FAM83A: variants seen among roughly 807,000 people sequenced by gnomAD.
The protein encoded by FAM83A is scaffolding CK1 anchoring protein A, also known as protein FAM83A.
Under a neutral mutation model 24.4 loss-of-function variants are expected in FAM83A, and 21 were observed. The observed-to-expected ratio is 0.86, with a 90% CI of 0.61 to 1.24. The LOEUF is 1.24. Ranked by LOEUF, FAM83A falls within the 50% of genes most tolerant of loss-of-function variation. The probability of loss-of-function intolerance (pLI) is 0.00; values close to 1 mark genes in which losing one functional copy is unlikely to be tolerated. For synonymous variants in FAM83A, 270 were observed against 252.4 expected (o/e 1.07, Z -0.66); for missense variants, 617 against 579.8 (o/e 1.06, Z -0.66).
intron 3 of FAM83A, chr8:123,202,133 A>T (rs907136849): frequency 1.3e-5 from 2 of 152,510 alleles, no homozygotes; most frequent in East Asian, 3.9e-4. Context: ...AAACCAGATC[A>T]AACCACTTTA....
At chr8:123,190,528 G>T (rs536515552) in intron 1 of FAM83A, among the ~76,000 whole-genome samples, 1 of 152,094 alleles carries the variant, frequency 6.6e-6, no homozygotes, top group South Asian at 2.1e-4. Flanking sequence ...GCCTCCCAAA[G>T]TGTTGGTATT....
At chr8:123,182,688 A>T in exon 1 of FAM83A, 1 of 985,710 alleles carries the variant, frequency 1.0e-6, no homozygotes, top group Non-Finnish European at 1.6e-6. Context: ...AGCATTGCTC[A>T]GGACAGCGGT....
chr8:123,202,462 A>G (rs1033182831), intron 3 of FAM83A: 1 of 153,084 alleles, frequency 6.5e-6, no homozygotes, highest in African/African-American at 2.4e-5. Flanking sequence ...CTTCACTCCC[A>G]TCATGATTTG....
chr8:123,185,067 G>A lies in FAM83A; in HGVS notation c.480+1731G>A, dbSNP rs147959386. Among the ~76,000 whole-genome samples, 1,344 of 152,320 alleles carry A rather than the reference G, an allele frequency of 8.8e-3. 7 individuals carry two copies. Among genetic ancestry groups the A allele is most frequent in the Middle Eastern group, 0.037 (11 of 294 alleles). On this transcript the variant is annotated intron_variant, in intron 1 of 3. Transcript: ENST00000690554. ...GGGCATTGGCTTTTAGTGTGGCTGG[G>A]CTGCTTGGAGCAGTATTTCATGTTT...
In FAM83A at chr8:123,203,221, TA is replaced by T. The variant is rs34707090; in HGVS notation, c.774-3924del. Among the ~76,000 whole-genome samples the T allele has an allele frequency of 4.1e-3, 596 of 143,946 alleles. 7 individuals are homozygous for T. In the East Asian group the frequency reaches 0.047, roughly 11 times the overall value. The allele number at this position is 143,946 out of a possible 152,430, so 94.4% of individuals were successfully genotyped here. A position where few individuals can be genotyped will look rare whatever the true frequency, so the allele number is the denominator to read the frequency against. On this transcript the variant is annotated intron_variant, in intron 3 of 3. Coordinates refer to ENST00000690554, the Ensembl canonical transcript of FAM83A. ...CTTTAAAAGGAAAACATACACACAT[TA>T]AAAAAAAAAAAGCAGTGACCATAAA...
At chr8:123,202,625 G>C (rs1217483745) in intron 3 of FAM83A, 1 of 152,610 alleles carries the variant, frequency 6.6e-6, no homozygotes, top group African/African-American at 2.4e-5. Flanking sequence ...AATATTTGTT[G>C]AATGAATGAA....
At chr8:123,191,665 C>T in intron 1 of FAM83A, 138 bp from the exon 2 acceptor site, 1 of 851,808 alleles carries the variant, frequency 1.2e-6, no homozygotes. Context: ...CCAGTCAGAC[C>T]CACTCTACCC....
chr8:123,196,301 C>T (rs971523310), intron 3 of FAM83A, among the ~76,000 whole-genome samples: 1 of 152,184 alleles, frequency 6.6e-6, no homozygotes, highest in African/African-American at 2.4e-5. Context: ...CATGAGCCAC[C>T]GCTCCCAGCC....
chr8:123,181,877 C>T, upstream of FAM83A: 1 of 356,290 alleles, frequency 2.8e-6, no homozygotes, highest in Non-Finnish European at 5.7e-6. Context: ...AGTCTCAGAG[C>T]CTGTTTCCAG....
At chr8:123,182,766 C>T in exon 1 of FAM83A, 1 of 1,486,100 alleles carries the variant, frequency 6.7e-7, no homozygotes, top group Non-Finnish European at 9.0e-7. Flanking sequence ...GGTGCGGGAG[C>T]CCCACTCCTC....
At chr8:123,194,117 G>T (rs764844375) in exon 3 of FAM83A, 1 of 1,614,102 alleles carries the variant, frequency 6.2e-7, no homozygotes, top group East Asian at 2.2e-5. Context: ...CATCATCTCG[G>T]ACTGGAGATT....
At chr8:123,194,421 G>A (rs1432474879) in intron 3 of FAM83A, among the ~76,000 whole-genome samples, 3 of 151,976 alleles carry the variant, frequency 2.0e-5, no homozygotes, top group African/African-American at 2.4e-5. Flanking sequence ...TTCCCTCCTC[G>A]GATATCTTAG....
At chr8:123,194,080 A>G in exon 3 of FAM83A, 1 of 1,614,246 alleles carries the variant, frequency 6.2e-7, no homozygotes, top group Non-Finnish European at 8.5e-7. Context: ...CAGGCAGGAA[A>G]TTCGCTGGCC....
At chr8:123,202,461 C>T (rs1464186399) in intron 3 of FAM83A, 1 of 153,188 alleles carries the variant, frequency 6.5e-6, no homozygotes, top group Non-Finnish European at 1.5e-5. Flanking sequence ...GCTTCACTCC[C>T]ATCATGATTT....
chr8:123,197,529 A>G (rs1824198848), intron 3 of FAM83A, among the ~76,000 whole-genome samples: 2 of 152,178 alleles, frequency 1.3e-5, no homozygotes, highest in South Asian at 4.1e-4. Flanking sequence ...CAAATATTCC[A>G]TGGACAGGAT....
At chr8:123,186,823 ACT>A (rs1019076187) in intron 1 of FAM83A, among the ~76,000 whole-genome samples, 1 of 151,994 alleles carries the variant, frequency 6.6e-6, no homozygotes, top group African/African-American at 2.4e-5. Flanking sequence ...GAGCAAGATT[ACT>A]CTGTCTCAAA....
rs142743626 is a variant in FAM83A at position 123,207,185 on chromosome 8, C to G, written c.802C>G (p.Arg268Gly). ...CACCTGGCTCTGCGGACACGTGCAC[C>G]GGAACATCCTCTCCAAGTTCACAGG... The change falls in exon 4 of 4, where the codon CGG (arginine) becomes GGG (glycine). Residue 268 changes from arginine (R) to glycine (G), a missense_variant. By Grantham distance (125) the Arg-to-Gly change is moderately radical. Coordinates refer to ENST00000690554, the Ensembl canonical transcript of FAM83A. The G allele has an allele frequency of 2.6e-5, 41 of 1,605,452 alleles. No homozygotes were observed. In the African/African-American group the frequency reaches 5.0e-4, roughly 20 times the overall value.
At chr8:123,198,703 C>T (rs1824242099) in intron 3 of FAM83A, among the ~76,000 whole-genome samples, 1 of 152,210 alleles carries the variant, frequency 6.6e-6, no homozygotes, top group Non-Finnish European at 1.5e-5. Context: ...ATATCTCATA[C>T]ATTATGCTTT....
At chr8:123,182,901 A>G (rs1455427488) in exon 1 of FAM83A, 3 of 1,533,852 alleles carry the variant, frequency 2.0e-6, no homozygotes, top group Non-Finnish European at 2.6e-6. Flanking sequence ...AGCGTCTGGA[A>G]GATGTCAAGA....
Sources: allele counts gnomAD v4.1 joint callset (sites outside exome capture counted in the v4.1 genomes callset), GRCh38; gene constraint gnomAD v4.1.1; transcripts MANE v1.5; gene names NCBI Gene and HGNC (gene_info 2026-07-23, HGNC 2026-07-21).